The following PLD2 variants were observed in gnomAD, a reference collection of about 807,000 sequenced individuals.
The protein encoded by PLD2 is choline phosphatase 2.
A neutral mutation model predicts 119.8 loss-of-function variants in PLD2; 101 were observed. The observed-to-expected ratio is 0.84, with a 90% CI of 0.72 to 0.99. The LOEUF is 0.99. PLD2 is among the 50% of genes least tolerant of loss of function. The pLI is 0.00. For synonymous variants in PLD2, 494 were observed against 482.8 expected (o/e 1.02, Z -0.30); for missense variants, 1,164 against 1,226.8 (o/e 0.95, Z 0.76).
rs764457751 is a variant in PLD2 at position 4,810,898 on chromosome 17, G to A, written c.957G>A (p.Gln319=). ...AGGGCCCAGGCAGAGACTTCCTACA[G>A]CTGCACCGGCATGACAGCTACGCCC... ...LAQGPGRDFL[Q]LHRHDSYAPP... Residue 319 remains glutamine, a synonymous_variant, in exon 10 of 25, where the codon CAG becomes CAA. Coordinates refer to ENST00000263088, the MANE Select transcript of PLD2 (RefSeq NM_002663.5). 3.7e-6 allele frequency: 6 copies of A among 1,613,680 alleles called. No homozygotes were observed. In the South Asian group the frequency reaches 4.4e-5, roughly 12 times the overall value.
chr17:4,822,688 C>T lies in PLD2; in HGVS notation c.2626C>T (p.Arg876Trp), dbSNP rs552209045. The stretch of plus-strand genomic sequence containing the variant: ...TGCCACGCGTTCCCTGCGGACTCTC[C>T]GGGAGTACGTGGCCGTGGAGCCCTT... The part of the protein sequence containing the change: ...SNATRSLRTL[R>W]EYVAVEPLAT... Residue 876 changes from arginine (R) to tryptophan (W), a missense_variant, in exon 25 of 25, where the codon CGG (arginine) becomes TGG (tryptophan). By Grantham distance (101) the Arg-to-Trp change is moderately radical. Transcript: ENST00000263088. The T allele has an allele frequency of 1.7e-5, 28 of 1,614,044 alleles. No individual in the cohort carries two copies. The highest frequency in any genetic ancestry group is 1.7e-4 in the African/African-American group (13 of 75,040).
intron 23 of PLD2, among the ~76,000 whole-genome samples, chr17:4,820,996 G>A (rs1345121998): frequency 6.1e-5 from 9 of 148,382 alleles, no homozygotes; most frequent in East Asian, 2.0e-4. Flanking sequence ...TCCGCCTCCC[G>A]GGTTCATACC....
intron 24 of PLD2, among the ~76,000 whole-genome samples, 153 bp from the exon 25 acceptor site, chr17:4,822,487 C>T (rs1337480750): frequency 1.5e-5 from 2 of 133,850 alleles, no homozygotes; most frequent in South Asian, 2.2e-4. Context: ...AGTGAAACTC[C>T]GTCTCAAAAA....
In PLD2 at chr17:4,819,824, C is replaced by T. The variant is rs1214643768; in HGVS notation, c.2462+242C>T. Among the ~76,000 whole-genome samples, 1 of 152,124 alleles carries T rather than the reference C, an allele frequency of 6.6e-6. No homozygotes were observed. Among genetic ancestry groups the T allele is most frequent in the Non-Finnish European group, 1.5e-5 (1 of 68,022 alleles). On this transcript the variant is annotated intron_variant, in intron 23 of 24. Coordinates refer to ENST00000263088, the MANE Select transcript of PLD2 (RefSeq NM_002663.5). The surrounding 1 kb of genome is among the most constrained non-coding windows in gnomAD (Gnocchi z 4.2). ...ACCAGCCTGGCTAACATAGTGAAAC[C>T]CGTCTCTACTAAAAATACAAAAAAT...
chr17:4,809,490 C>T lies in PLD2; in HGVS notation c.556-3C>T. The T allele has an allele frequency of 6.2e-7, 1 of 1,607,604 alleles. No individual in the cohort carries two copies. The highest frequency in any genetic ancestry group is 8.5e-7 in the Non-Finnish European group (1 of 1,176,608). On this transcript the variant is annotated splice_region_variant and splice_polypyrimidine_tract_variant and intron_variant, in intron 6 of 24. Coordinates refer to ENST00000263088, the MANE Select transcript of PLD2 (RefSeq NM_002663.5). ...TCCTCCGGGCTTTTGTTTTCCTCTG[C>T]AGACAGAGTTCCTGGAAGTCAGTCA...
rs1457343703 is a variant in PLD2 at position 4,822,817 on chromosome 17, C to A, written c.2755C>A (p.Pro919Thr). ...KFLEDESLLP[P>T]LGSKEGMIPL... Reference sequence around the variant, plus strand: ...CCTAGAGGATGAGTCTTTGCTGCCCCCGCTGGGTAGCAAGGAGGGCATGAT... The same window carrying A: ...CCTAGAGGATGAGTCTTTGCTGCCCACGCTGGGTAGCAAGGAGGGCATGAT... The change falls in exon 25 of 25, where the codon CCG becomes ACG. Residue 919 changes from proline to threonine, a missense_variant. Physicochemically the swap from Pro to Thr is conservative, Grantham distance 38. Transcript: ENST00000263088. The A allele has an allele frequency of 9.3e-6, 15 of 1,612,982 alleles. No individual in the cohort carries two copies. The highest frequency in any genetic ancestry group is 1.3e-5 in the African/African-American group (1 of 74,902).
At chr17:4,810,741 C>T (rs1906371402) in intron 9 of PLD2, 61 bp from the exon 10 acceptor site, 2 of 1,546,390 alleles carry the variant, frequency 1.3e-6, no homozygotes, top group Admixed American at 3.7e-5. Flanking sequence ...GGGGAGGTCT[C>T]TAGGCAAGAT....
In PLD2 at chr17:4,809,309, G is replaced by A; in HGVS notation, c.501G>A (p.Glu167=). 6.2e-7 allele frequency: 1 copy of A among 1,614,106 alleles called. No individual in the cohort carries two copies. Among genetic ancestry groups the A allele is most frequent in the Non-Finnish European group, 8.5e-7 (1 of 1,179,968 alleles). The change falls in exon 6 of 25, where the codon GAG becomes GAA. Residue 167 remains glutamate, a synonymous_variant. Transcript: ENST00000263088. ...CATCTCCACTTCAGAAATACCTGGA[G>A]AATTACCTCAACCGTCTCTTGACCA... ...RHAASKQKYL[E]NYLNRLLTMS...
intron 17 of PLD2, 60 bp from the exon 18 acceptor site, chr17:4,817,942 A>G: frequency 1.6e-6 from 2 of 1,215,286 alleles, no homozygotes; most frequent in Non-Finnish European, 2.4e-6. Flanking sequence ...TAGGCAACAG[A>G]GCGAGACTCT....
In PLD2 at chr17:4,821,846, G is replaced by A. The variant is rs1907702156; in HGVS notation, c.2516G>A (p.Cys839Tyr). ...RPDLDLRDPICDDFFQLWQDM... is the reference protein window; with the variant it reads ...RPDLDLRDPIYDDFFQLWQDM... ...GACTTGGATCTCCGAGACCCCATCT[G>A]TGATGACTTCTTCCAGTTGTGGCAA... Residue 839 changes from cysteine (C) to tyrosine (Y), a missense_variant, in exon 24 of 25, where the codon TGT becomes TAT. Physicochemically the swap from Cys to Tyr is radical, Grantham distance 194 (BLOSUM62 -2). Coordinates refer to ENST00000263088, the MANE Select transcript of PLD2 (RefSeq NM_002663.5). The A allele has an allele frequency of 6.2e-7, 1 of 1,613,976 alleles. No individual in the cohort carries two copies. The highest frequency in any genetic ancestry group is 1.3e-5 in the African/African-American group (1 of 74,872).
In PLD2 at chr17:4,820,069, C is replaced by T. The variant is rs905435191; in HGVS notation, c.2462+487C>T. ...AAGCGATTCTCCTGCCTCAGCCTCC[C>T]GAGTAGCTGGGATTACAGGCATGCG... On this transcript the variant is annotated intron_variant, in intron 23 of 24. Coordinates refer to ENST00000263088, the MANE Select transcript of PLD2 (RefSeq NM_002663.5). 6.6e-5 allele frequency among the ~76,000 whole-genome samples: 10 copies of T among 150,426 alleles called. No homozygotes were observed. The South Asian group carries it at 1.5e-3, about 23-fold the overall frequency.
At position 4,819,656 on chromosome 17, in the gene PLD2, G is replaced by C; in HGVS notation, c.2462+74G>C. 1 of 1,406,496 alleles carries C rather than the reference G, an allele frequency of 7.1e-7. No homozygotes were observed. The highest frequency in any genetic ancestry group is 9.7e-7 in the Non-Finnish European group (1 of 1,027,016). 87.1% of individuals were successfully genotyped at this position (1,406,496 alleles called of 1,614,324 possible). On this transcript the variant is annotated intron_variant, in intron 23 of 24. Transcript: ENST00000263088. This position sits in a 1 kb window ranked among gnomAD's most constrained non-coding sequence, Gnocchi z 4.2. ...TGCCTTTTGAGCAGGACAAGAGGTA[G>C]CACCGCATAGGTACTCCCGGAGCCA...
chr17:4,814,323 T>G (rs992376241), intron 10 of PLD2, 95 bp from the exon 11 acceptor site: 4 of 1,523,150 alleles, frequency 2.6e-6, no homozygotes, highest in Non-Finnish European at 3.5e-6. Flanking sequence ...TTGACCTTGC[T>G]GTCACCTCTG....
intron 9 of PLD2, 111 bp downstream of exon 9, chr17:4,810,140 CT>C: frequency 4.5e-6 from 5 of 1,101,220 alleles, no homozygotes; most frequent in Non-Finnish European, 6.5e-6. Flanking sequence ...TTCCACCTCC[CT>C]GGATCGGGAC....
At chr17:4,818,160 A>G in intron 18 of PLD2, 54 bp downstream of exon 18, 1 of 1,442,186 alleles carries the variant, frequency 6.9e-7, no homozygotes. Context: ...CAGGAGAGAG[A>G]CCTGGGGAAT....
chr17:4,818,768 T>C lies in PLD2; in HGVS notation c.2124-6T>C. 1.2e-6 allele frequency: 2 copies of C among 1,614,094 alleles called. No homozygotes were observed. Among genetic ancestry groups the C allele is most frequent in the Non-Finnish European group, 1.7e-6 (2 of 1,180,006 alleles). ...TCCACTTCTCTCCCTCTTTCTTTTC[T>C]CTCAGGACCCTGTGTCGTGGGGAGT... is the stretch of plus-strand genomic sequence containing the variant. On this transcript the variant is annotated splice_polypyrimidine_tract_variant and splice_region_variant and intron_variant, in intron 20 of 24. Transcript: ENST00000263088.
chr17:4,807,769 T>C lies in PLD2; in HGVS notation c.-1-3T>C. The C allele has an allele frequency of 1.3e-6, 2 of 1,573,516 alleles. No homozygotes were observed. Among genetic ancestry groups the C allele is most frequent in the Non-Finnish European group, 1.7e-6 (2 of 1,150,718 alleles). On this transcript the variant is annotated splice_region_variant and splice_polypyrimidine_tract_variant and intron_variant, in intron 1 of 24. Coordinates refer to ENST00000263088, the MANE Select transcript of PLD2 (RefSeq NM_002663.5). This position sits in a 1 kb window ranked among gnomAD's most constrained non-coding sequence, Gnocchi z 5.4. ...CCTCCCTGAGGCTTCCCAATGTTCC[T>C]AGGATGACGGCGACCCCTGAGAGCC...
chr17:4,818,847 C>G (rs757726778), intron 21 of PLD2, 24 bp downstream of exon 21: 14 of 1,611,674 alleles, frequency 8.7e-6, no homozygotes, highest in Non-Finnish European at 1.2e-5. Flanking sequence ...GCTGGGGGCT[C>G]AAGCCCTGGG....
intron 14 of PLD2, among the ~76,000 whole-genome samples, 163 bp downstream of exon 14, chr17:4,816,097 A>G (rs1263362877): frequency 1.3e-5 from 2 of 152,128 alleles, no homozygotes. Flanking sequence ...AAGTGCTGTA[A>G]CTGGCCGGGA....
Sources: gnomAD v4.1 joint callset for allele counts (sites outside exome capture counted in the v4.1 genomes callset) on GRCh38, gnomAD v4.1.1 for gene constraint, Gnocchi (gnomAD v3.1) non-coding constraint, MANE v1.5 for transcripts, NCBI Gene and HGNC (gene_info 2026-07-23, HGNC 2026-07-21) for gene names.